The following ATRNL1 variants were observed in gnomAD, a reference collection of about 807,000 sequenced individuals.
The protein encoded by ATRNL1 is attractin like 1.
ATRNL1 carries 95 observed loss-of-function variants against 182.7 expected under a neutral mutation model. The ratio of observed to expected loss-of-function variants is 0.52; its 90% CI spans 0.44 to 0.62. ATRNL1 has a LOEUF of 0.62. ATRNL1 is among the 20% of genes least tolerant of loss of function. The pLI is 0.00. For synonymous variants in ATRNL1, 576 were observed against 568.3 expected, an observed-to-expected ratio of 1.01 and a Z score of -0.19; for missense variants, 1,471 against 1,679.5, an observed-to-expected ratio of 0.88 and a Z score of 2.17.
chr10:115,200,178 G>A (rs1203258642), intron 8 of ATRNL1, among the ~76,000 whole-genome samples: 2 of 151,162 alleles, frequency 1.3e-5, no homozygotes, highest in Admixed American at 1.3e-4. Flanking sequence ...CAACAATTTG[G>A]AGTTAGCTGC....
At chr10:115,128,884 A>G (rs1450792134) in intron 4 of ATRNL1, among the ~76,000 whole-genome samples, 1 of 151,958 alleles carries the variant, frequency 6.6e-6, no homozygotes, top group Non-Finnish European at 1.5e-5. Context: ...CCTTTTCTTC[A>G]ATAACAGTGT....
At position 115,920,237 on chromosome 10, in the gene ATRNL1, T is replaced by G. The variant is rs1164728122; in HGVS notation, c.4019-24421T>G. On this transcript the variant is annotated intron_variant, in intron 28 of 28. Transcript: ENST00000355044. ...ACAAACACATTTTGAACTCTCTTTA[T>G]TTTCACCTTCACGGATATCCAGCAG... Among the ~76,000 whole-genome samples the G allele has an allele frequency of 2.0e-5, 3 of 152,202 alleles. No individual in the cohort carries two copies. The East Asian group carries it at 5.8e-4, about 29-fold the overall frequency.
At chr10:115,386,779 G>A (rs563596537) in intron 19 of ATRNL1, among the ~76,000 whole-genome samples, 2 of 148,782 alleles carry the variant, frequency 1.3e-5, no homozygotes, top group South Asian at 2.2e-4. Flanking sequence ...TCGTCATTTA[G>A]CATTAGGTAT....
In ATRNL1 at chr10:115,516,933, C is replaced by A. The variant is rs191678652; in HGVS notation, c.3655-2330C>A. On this transcript the variant is annotated intron_variant, in intron 24 of 28. Coordinates refer to ENST00000355044, the MANE Select transcript of ATRNL1 (RefSeq NM_207303.4). ...TTTTTTCCACTCAAAACACCACTGT[C>A]AACAATTGTGATATCCCCCTACAAG... Among the ~76,000 whole-genome samples, 203 of 151,988 alleles carry A rather than the reference C, an allele frequency of 1.3e-3. 1 individual carries two copies. The highest frequency in any genetic ancestry group is 2.3e-3 in the South Asian group (11 of 4,820).
At chr10:115,795,407 A>G (rs1309593223) in intron 27 of ATRNL1, among the ~76,000 whole-genome samples, 1 of 152,124 alleles carries the variant, frequency 6.6e-6, no homozygotes, top group Non-Finnish European at 1.5e-5. Context: ...TATTGAGTCA[A>G]AAATAAAGCC....
intron 26 of ATRNL1, among the ~76,000 whole-genome samples, chr10:115,684,646 T>G (rs1555045799): frequency 6.6e-6 from 1 of 151,608 alleles, no homozygotes; most frequent in African/African-American, 2.4e-5. Flanking sequence ...TTCCACTATG[T>G]AATATATCAA....
At chr10:115,284,533 T>C (rs1852516055) in intron 14 of ATRNL1, among the ~76,000 whole-genome samples, 2 of 152,246 alleles carry the variant, frequency 1.3e-5, no homozygotes, top group South Asian at 4.1e-4. Context: ...GGGATTACTA[T>C]GTTCCAACTG....
At chr10:115,827,444 A>T (rs1950462105) in intron 27 of ATRNL1, among the ~76,000 whole-genome samples, 1 of 152,240 alleles carries the variant, frequency 6.6e-6, no homozygotes. Flanking sequence ...TAATGCTGGC[A>T]GGACGTAAGG....
At chr10:115,263,738 C>CT (rs1353843330) in intron 10 of ATRNL1, among the ~76,000 whole-genome samples, 1 of 151,722 alleles carries the variant, frequency 6.6e-6, no homozygotes, top group African/African-American at 2.4e-5. Flanking sequence ...TAAATTAACT[C>CT]TAACATGTAA....
intron 24 of ATRNL1, among the ~76,000 whole-genome samples, chr10:115,485,426 A>G (rs1018996993): frequency 3.3e-5 from 5 of 152,080 alleles, no homozygotes; most frequent in African/African-American, 1.2e-4. Flanking sequence ...ACATTTTGGA[A>G]TGGTTAAATC....
intron 21 of ATRNL1, among the ~76,000 whole-genome samples, chr10:115,445,350 G>C (rs1846908794): frequency 7.3e-6 from 1 of 136,714 alleles, no homozygotes. Context: ...AGAATTGCTT[G>C]AACCTGGGAG....
intron 26 of ATRNL1, among the ~76,000 whole-genome samples, chr10:115,569,938 A>G (rs1854294751): frequency 6.6e-6 from 1 of 152,196 alleles, no homozygotes; most frequent in Admixed American, 6.5e-5. Flanking sequence ...GCGAGGGGCT[A>G]TTTCCTGATT....
chr10:115,841,712 TC>T (rs1950812960), intron 27 of ATRNL1, among the ~76,000 whole-genome samples: 1 of 152,148 alleles, frequency 6.6e-6, no homozygotes, highest in Admixed American at 6.6e-5. Flanking sequence ...TGTGTTTTTT[TC>T]TCCTTTATCA....
At chr10:115,576,597 A>G (rs1347916819) in intron 26 of ATRNL1, among the ~76,000 whole-genome samples, 5 of 151,946 alleles carry the variant, frequency 3.3e-5, no homozygotes, top group Admixed American at 1.3e-4. Context: ...CTATTTTACT[A>G]TTGAGCTGTA....
intron 8 of ATRNL1, among the ~76,000 whole-genome samples, chr10:115,201,123 G>A (rs1193245560): frequency 6.7e-6 from 1 of 149,616 alleles, no homozygotes; most frequent in Admixed American, 6.6e-5. Context: ...GTAGATTCTG[G>A]ATATTAGCCC....
chr10:115,701,923 A>G (rs1946748994), intron 26 of ATRNL1, among the ~76,000 whole-genome samples: 1 of 152,054 alleles, frequency 6.6e-6, no homozygotes, highest in African/African-American at 2.4e-5. Flanking sequence ...ATACAGCAGG[A>G]GAGACTCTTC....
intron 5 of ATRNL1, among the ~76,000 whole-genome samples, chr10:115,136,351 C>T (rs1845514490): frequency 6.6e-6 from 1 of 152,148 alleles, no homozygotes; most frequent in Non-Finnish European, 1.5e-5. Context: ...TTCCCATTTA[C>T]CTCCTGCCCC....
intron 8 of ATRNL1, among the ~76,000 whole-genome samples, chr10:115,197,068 G>A (rs1210753922): frequency 6.6e-6 from 1 of 151,658 alleles, no homozygotes; most frequent in Non-Finnish European, 1.5e-5. Context: ...AGTTTGTTTA[G>A]TTTTTTTCAT....
At chr10:115,916,262 G>A (rs6585374) in intron 28 of ATRNL1, among the ~76,000 whole-genome samples, 1,710 of 152,264 alleles carry the variant, frequency 0.011, 37 homozygotes, top group African/African-American at 0.039. Flanking sequence ...ACTTTACTGC[G>A]GAATTGCTTC....
Sources: gnomAD v4.1 joint callset for allele counts (sites outside exome capture counted in the v4.1 genomes callset) on GRCh38, gnomAD v4.1.1 for gene constraint, MANE v1.5 for transcripts, NCBI Gene and HGNC (gene_info 2026-07-23, HGNC 2026-07-21) for gene names.